KCNIP4: variants seen among roughly 807,000 people sequenced by gnomAD.
The protein encoded by KCNIP4 is potassium voltage-gated channel interacting protein 4.
KCNIP4 carries 12 observed loss-of-function variants against 34.0 expected under a neutral mutation model. That is an observed-to-expected ratio of 0.35 (90% confidence interval 0.23 to 0.57). The LOEUF is 0.57. KCNIP4 is among the 20% of genes least tolerant of loss of function. The pLI is 0.83. For missense variants in KCNIP4, 238 were observed against 311.7 expected (o/e 0.76, Z 1.78); for synonymous variants, 124 against 102.2 (o/e 1.21, Z -1.29).
intron 1 of KCNIP4, among the ~76,000 whole-genome samples, chr4:21,091,892 C>T (rs1257695878): frequency 2.6e-5 from 4 of 152,128 alleles, no homozygotes; most frequent in African/African-American, 9.7e-5. Flanking sequence ...TTTCAACATA[C>T]GCATTTTGAG....
chr4:21,334,329 AT>A lies in KCNIP4; in HGVS notation c.62-451621del, dbSNP rs550627123. Among the ~76,000 whole-genome samples the A allele has an allele frequency of 7.9e-5, 12 of 152,168 alleles. No homozygotes were observed. The South Asian group carries it at 2.5e-3, about 32-fold the overall frequency. On this transcript the variant is annotated intron_variant, in intron 1 of 8. Transcript: ENST00000382152. ...ACTATGTACTAAGATCTCCAAAAAA[AT>A]AATGTTAACTTTGGCTTCAGAATGA... is the stretch of plus-strand genomic sequence containing the variant.
chr4:21,572,916 T>G (rs982585247), intron 1 of KCNIP4, among the ~76,000 whole-genome samples: 2 of 152,082 alleles, frequency 1.3e-5, no homozygotes, highest in Non-Finnish European at 1.5e-5. Context: ...CGTGAGCCAT[T>G]CCACCTGGTC....
chr4:21,781,000 T>A (rs1340362804), intron 1 of KCNIP4, among the ~76,000 whole-genome samples: 1 of 152,114 alleles, frequency 6.6e-6, no homozygotes, highest in African/African-American at 2.4e-5. Flanking sequence ...GAACACCAGT[T>A]ACTTGAGGTT....
intron 1 of KCNIP4, among the ~76,000 whole-genome samples, chr4:21,397,056 C>T (rs142086302): frequency 1.9e-4 from 29 of 152,234 alleles, no homozygotes; most frequent in African/African-American, 6.5e-4. Context: ...ATGGCATCTG[C>T]CTTGGCAACT....
At chr4:21,708,306 C>A (rs1713451895) in intron 1 of KCNIP4, among the ~76,000 whole-genome samples, 1 of 151,946 alleles carries the variant, frequency 6.6e-6, no homozygotes, top group Non-Finnish European at 1.5e-5. Flanking sequence ...CATTTTTTCT[C>A]AAAGTACAAT....
chr4:21,883,557 T>C (rs1244815300), intron 1 of KCNIP4, among the ~76,000 whole-genome samples: 1 of 152,182 alleles, frequency 6.6e-6, no homozygotes, highest in Non-Finnish European at 1.5e-5. Flanking sequence ...GATGAACCAT[T>C]GCTCCTGTGT....
chr4:20,760,090 C>T (rs1010057101), intron 3 of KCNIP4, among the ~76,000 whole-genome samples: 1 of 152,084 alleles, frequency 6.6e-6, no homozygotes, highest in Non-Finnish European at 1.5e-5. Context: ...ATAAGTGGAC[C>T]CACACACTTC....
intron 1 of KCNIP4, among the ~76,000 whole-genome samples, chr4:21,665,168 G>A (rs888150615): frequency 9.9e-5 from 15 of 151,964 alleles, no homozygotes; most frequent in African/African-American, 2.9e-4. Flanking sequence ...AAGCTTTATC[G>A]TTGGTCCTCT....
chr4:21,400,562 TC>T (rs879470893), intron 1 of KCNIP4, among the ~76,000 whole-genome samples: 5,718 of 80,604 alleles, frequency 0.071, 289 homozygotes, highest in Non-Finnish European at 0.11. Flanking sequence ...TCTCTTCTCT[TC>T]TCTTCTCTTC....
chr4:21,496,865 A>T (rs889501360), intron 1 of KCNIP4, among the ~76,000 whole-genome samples: 14 of 152,156 alleles, frequency 9.2e-5, no homozygotes, highest in African/African-American at 3.4e-4. Flanking sequence ...TCTGAGATGG[A>T]ACAGTTTCAT....
chr4:21,441,744 T>G (rs1577365076), intron 1 of KCNIP4, among the ~76,000 whole-genome samples: 1 of 152,186 alleles, frequency 6.6e-6, no homozygotes, highest in East Asian at 1.9e-4. Flanking sequence ...TCAGATATAC[T>G]AAGCAGGATT....
chr4:20,843,428 G>A (rs575856814), intron 3 of KCNIP4, among the ~76,000 whole-genome samples: 1 of 152,228 alleles, frequency 6.6e-6, no homozygotes, highest in East Asian at 1.9e-4. Flanking sequence ...GACATTTTAT[G>A]AGTTTAAAAT....
At chr4:21,790,624 A>G (rs1330363461) in intron 1 of KCNIP4, among the ~76,000 whole-genome samples, 1 of 152,018 alleles carries the variant, frequency 6.6e-6, no homozygotes, top group Non-Finnish European at 1.5e-5. Flanking sequence ...GAGAACTTTC[A>G]ACCAGAAGAG....
chr4:20,770,635 AAAAT>A (rs1454959477), intron 3 of KCNIP4, among the ~76,000 whole-genome samples: 4 of 152,122 alleles, frequency 2.6e-5, no homozygotes, highest in African/African-American at 7.2e-5. Flanking sequence ...ATAAAAATTA[AAAAT>A]AAATAAAAAA....
chr4:20,932,876 C>A (rs1730629804), intron 1 of KCNIP4, among the ~76,000 whole-genome samples: 1 of 152,046 alleles, frequency 6.6e-6, no homozygotes, highest in Non-Finnish European at 1.5e-5. Context: ...GGTTTCCTTT[C>A]AAAATTATGT....
chr4:21,319,079 C>A (rs767090645), intron 1 of KCNIP4, among the ~76,000 whole-genome samples: 1 of 152,112 alleles, frequency 6.6e-6, no homozygotes, highest in Non-Finnish European at 1.5e-5. Context: ...GAGAAAAATG[C>A]GCTAAAATAC....
chr4:21,555,502 T>A (rs1738936383), intron 1 of KCNIP4, among the ~76,000 whole-genome samples: 1 of 152,128 alleles, frequency 6.6e-6, no homozygotes, highest in Admixed American at 6.6e-5. Flanking sequence ...ATTTATCAAA[T>A]TTTCTTGTTT....
intron 1 of KCNIP4, among the ~76,000 whole-genome samples, chr4:21,443,129 C>T (rs963958730): frequency 1.3e-5 from 2 of 152,178 alleles, no homozygotes; most frequent in African/African-American, 4.8e-5. Flanking sequence ...TCTATCTTAT[C>T]CAAACCCCAC....
chr4:20,842,581 C>CAAAAA (rs59134256), intron 3 of KCNIP4, among the ~76,000 whole-genome samples: 5 of 69,692 alleles, frequency 7.2e-5, no homozygotes, highest in East Asian at 6.7e-4. Context: ...CTTCTAATGG[C>CAAAAA]AAAAAAAAAA....
Sources: allele counts gnomAD v4.1 joint callset (sites outside exome capture counted in the v4.1 genomes callset), GRCh38; gene constraint gnomAD v4.1.1; transcripts MANE v1.5; gene names NCBI Gene and HGNC (gene_info 2026-07-23, HGNC 2026-07-21).